TPH2: variants seen among roughly 807,000 people sequenced by gnomAD.
The protein encoded by TPH2 is tryptophan 5-hydroxylase 2.
A neutral mutation model predicts 59.1 loss-of-function variants in TPH2; 27 were observed. The observed-to-expected ratio is 0.46, with a 90% CI of 0.34 to 0.63. TPH2 has a LOEUF of 0.63. TPH2 is among the 30% of genes least tolerant of loss of function. The pLI is 0.01. For missense variants in TPH2, 523 were observed against 588.3 expected, an observed-to-expected ratio of 0.89 and a Z score of 1.15; for synonymous variants, 220 against 210.5, an observed-to-expected ratio of 1.05 and a Z score of -0.39.
intron 8 of TPH2, 85 bp from the exon 9 acceptor site, chr12:72,022,314 G>T: frequency 1.2e-6 from 1 of 868,222 alleles, no homozygotes. Context: ...ATTATGCACA[G>T]CCCACCATTT....
At chr12:71,968,978 G>A (rs1384864728) in intron 5 of TPH2, among the ~76,000 whole-genome samples, 2 of 152,156 alleles carry the variant, frequency 1.3e-5, no homozygotes, top group East Asian at 3.9e-4. Flanking sequence ...TTACAACATA[G>A]GCCCATAGAA....
Position 72,022,220 on chromosome 12 carries a change from C to A in TPH2, c.1069-179C>A, listed in dbSNP as rs145630368. On this transcript the variant is annotated intron_variant, in intron 8 of 10. Coordinates refer to ENST00000333850, the MANE Select transcript of TPH2 (RefSeq NM_173353.4). ...TAATACTTTTTTCATATACATTCAA[C>A]CTAGGGAGAGAATACTGAGCAAGAG... 1.5e-4 allele frequency among the ~76,000 whole-genome samples: 23 copies of A among 152,116 alleles called. 1 individual carries two copies. In the East Asian group the frequency reaches 3.9e-3, roughly 26 times the overall value.
intron 6 of TPH2, among the ~76,000 whole-genome samples, chr12:71,974,097 A>T (rs1872049469): frequency 6.6e-6 from 1 of 151,586 alleles, no homozygotes; most frequent in South Asian, 2.1e-4. Flanking sequence ...AAAAGCAAAA[A>T]CTTCATTGCC....
chr12:71,970,303 C>G (rs2139202001), intron 5 of TPH2, among the ~76,000 whole-genome samples: 1 of 152,256 alleles, frequency 6.6e-6, no homozygotes, highest in South Asian at 2.1e-4. Flanking sequence ...GAGAGACAAA[C>G]AGAACAGTTG....
rs189627504 is a variant in TPH2 at position 71,986,726 on chromosome 12, A to G, written c.941+7639A>G. Among the ~76,000 whole-genome samples the G allele has an allele frequency of 1.4e-4, 21 of 149,702 alleles. No individual in the cohort carries two copies. In the East Asian group the frequency reaches 4.0e-3, roughly 28 times the overall value. On this transcript the variant is annotated intron_variant, in intron 7 of 10. Coordinates refer to ENST00000333850, the MANE Select transcript of TPH2 (RefSeq NM_173353.4). Reference sequence around the variant, plus strand: ...GTTCTGTTTTCCTTGTGCGGAGCCCATAATCCAAAATTAGCACTTAGAAGC... The same window carrying G: ...GTTCTGTTTTCCTTGTGCGGAGCCCGTAATCCAAAATTAGCACTTAGAAGC...
At chr12:72,029,041 T>C (rs1873646366) in intron 9 of TPH2, among the ~76,000 whole-genome samples, 1 of 152,156 alleles carries the variant, frequency 6.6e-6, no homozygotes, top group African/African-American at 2.4e-5. Flanking sequence ...CAAAATGATA[T>C]TTTTTCCAAA....
In TPH2 at chr12:71,977,561, T is replaced by G. The variant is rs577884737; in HGVS notation, c.806-1391T>G. On this transcript the variant is annotated intron_variant, in intron 6 of 10. Transcript: ENST00000333850. Reference sequence around the variant, plus strand: ...TGTAGTAATCATTTCACTATTACAGTAAATCCTCACTTAACGTCATCGATA... The same window carrying G: ...TGTAGTAATCATTTCACTATTACAGGAAATCCTCACTTAACGTCATCGATA... Among the ~76,000 whole-genome samples the G allele has an allele frequency of 2.0e-5, 3 of 152,290 alleles. No individual in the cohort carries two copies. The East Asian group carries it at 5.8e-4, about 29-fold the overall frequency.
At chr12:72,018,823 A>G (rs1873331810) in intron 8 of TPH2, among the ~76,000 whole-genome samples, 1 of 152,222 alleles carries the variant, frequency 6.6e-6, no homozygotes, top group African/African-American at 2.4e-5. Flanking sequence ...AAGGAAAATT[A>G]TGCATCTATT....
chr12:71,961,668 A>C, intron 5 of TPH2: 1 of 1,351,882 alleles, frequency 7.4e-7, no homozygotes, highest in Non-Finnish European at 9.8e-7. Context: ...GATGGATGTT[A>C]GATCCATTGT....
intron 8 of TPH2, among the ~76,000 whole-genome samples, chr12:72,015,146 G>A (rs935822658): frequency 6.6e-6 from 1 of 152,064 alleles, no homozygotes; most frequent in Non-Finnish European, 1.5e-5. Context: ...TGGTAAAGGG[G>A]TAAGTGGGAG....
chr12:72,021,080 A>G (rs1873399806), intron 8 of TPH2, among the ~76,000 whole-genome samples: 1 of 152,128 alleles, frequency 6.6e-6, no homozygotes, highest in Admixed American at 6.6e-5. Flanking sequence ...TAACACCTTC[A>G]GTGCTCTATC....
intron 5 of TPH2, among the ~76,000 whole-genome samples, chr12:71,953,346 C>A (rs1249156996): frequency 1.3e-5 from 2 of 152,030 alleles, no homozygotes; most frequent in Non-Finnish European, 2.9e-5. Flanking sequence ...GCTAAAGTTT[C>A]TCTGAGTATG....
At chr12:71,968,792 G>A (rs901360478) in intron 5 of TPH2, among the ~76,000 whole-genome samples, 2 of 152,182 alleles carry the variant, frequency 1.3e-5, no homozygotes, top group African/African-American at 4.8e-5. Flanking sequence ...GGTGGTACAG[G>A]AGGAATTTGT....
intron 7 of TPH2, among the ~76,000 whole-genome samples, chr12:71,984,182 T>C (rs1310961554): frequency 6.6e-6 from 1 of 152,244 alleles, no homozygotes; most frequent in Non-Finnish European, 1.5e-5. Context: ...TCTTTTTTGT[T>C]GCAGTTGACC....
chr12:71,986,017 G>C (rs1322131393), intron 7 of TPH2, among the ~76,000 whole-genome samples: 2 of 152,186 alleles, frequency 1.3e-5, no homozygotes, highest in Non-Finnish European at 2.9e-5. Context: ...CCTAACCTCT[G>C]TCCTGGAGAA....
rs1175627058 is a variant in TPH2, at chr12:71,996,451, A to G, written c.1068+1886A>G. ...GGATATATTTTAAAACCACCATATC[A>G]TAAGTTGTTTAGTTCTGAAACCTTG... On this transcript the variant is annotated intron_variant, in intron 8 of 10. Coordinates refer to ENST00000333850, the MANE Select transcript of TPH2 (RefSeq NM_173353.4). 3.3e-5 allele frequency among the ~76,000 whole-genome samples: 5 copies of G among 152,268 alleles called. No homozygotes were observed. In the South Asian group the frequency reaches 6.2e-4, roughly 19 times the overall value.
At chr12:71,983,963 G>T (rs1229770471) in intron 7 of TPH2, among the ~76,000 whole-genome samples, 3 of 152,142 alleles carry the variant, frequency 2.0e-5, no homozygotes, top group African/African-American at 7.2e-5. Flanking sequence ...GCTAGCTTGG[G>T]CCATATGGGT....
At chr12:71,986,932 G>A (rs544408473) in intron 7 of TPH2, among the ~76,000 whole-genome samples, 20 of 152,292 alleles carry the variant, frequency 1.3e-4, no homozygotes, top group African/African-American at 4.6e-4. Flanking sequence ...ATGCAAGAAA[G>A]AGGTAATCAC....
intron 9 of TPH2, among the ~76,000 whole-genome samples, chr12:72,026,007 T>C (rs1873558488): frequency 1.3e-5 from 2 of 152,222 alleles, no homozygotes; most frequent in Admixed American, 1.3e-4. Flanking sequence ...CAGATCTTTG[T>C]TGAGTCCAGT....
Sources: gnomAD v4.1 joint callset for allele counts (sites outside exome capture counted in the v4.1 genomes callset) on GRCh38, gnomAD v4.1.1 for gene constraint, MANE v1.5 for transcripts, NCBI Gene and HGNC (gene_info 2026-07-23, HGNC 2026-07-21) for gene names.